Variants in DPYD observed in about 807,000 individuals in gnomAD.
DPYD encodes dihydropyrimidine dehydrogenase.
DPYD carries 109 observed loss-of-function variants against 116.2 expected under a neutral mutation model. The ratio of observed to expected loss-of-function variants is 0.94; its 90% CI spans 0.80 to 1.10. The LOEUF is 1.10. DPYD is among the 50% of genes least tolerant of loss of function. The pLI, the probability that DPYD is intolerant of heterozygous loss-of-function variation, is 0.00. For missense variants in DPYD, 1,302 were observed against 1,254.5 expected (o/e 1.04, Z -0.57); for synonymous variants, 440 against 432.0 (o/e 1.02, Z -0.23).
intron 1 of DPYD, among the ~76,000 whole-genome samples, chr1:97,885,647 T>G (rs1672450226): frequency 6.6e-6 from 1 of 152,050 alleles, no homozygotes; most frequent in Admixed American, 6.6e-5. Context: ...GTAACTTAAC[T>G]TACAAACAGC....
chr1:97,236,613 T>C (rs780425769), intron 18 of DPYD, among the ~76,000 whole-genome samples: 9 of 152,100 alleles, frequency 5.9e-5, no homozygotes, highest in Non-Finnish European at 1.3e-4. Context: ...GAAAATACTA[T>C]ATATACTATA....
In DPYD at chr1:97,111,236, A is replaced by G. The variant is rs1168806046; in HGVS notation, c.2623-12604T>C. ...TGGTATAACGTATCCTCCTTATAGT[A>G]GCCTGAGAAGTTGTCTTAAATAGAA... is the stretch of plus-strand genomic sequence containing the variant. On this transcript the variant is annotated intron_variant, in intron 20 of 22. Transcript: ENST00000370192. 4.6e-5 allele frequency among the ~76,000 whole-genome samples: 7 copies of G among 152,194 alleles called. No individual in the cohort carries two copies. In the East Asian group the frequency reaches 1.4e-3, roughly 30 times the overall value.
intron 14 of DPYD, among the ~76,000 whole-genome samples, chr1:97,396,688 C>G (rs1673023352): frequency 6.6e-6 from 1 of 152,020 alleles, no homozygotes. Context: ...TGCTCCTTAT[C>G]TTGACATATC....
At chr1:97,866,949 G>T (rs1258108813) in intron 2 of DPYD, among the ~76,000 whole-genome samples, 2 of 151,854 alleles carry the variant, frequency 1.3e-5, no homozygotes, top group African/African-American at 4.8e-5. Flanking sequence ...GAGGATAGGG[G>T]CTTGTAGGCT....
chr1:97,137,355 A>C (rs1269531701), intron 20 of DPYD, among the ~76,000 whole-genome samples: 1 of 152,198 alleles, frequency 6.6e-6, no homozygotes, highest in African/African-American at 2.4e-5. Context: ...TTAAATTTTA[A>C]ATCCCTGTAC....
At chr1:97,644,091 G>GA (rs1658102936) in intron 8 of DPYD, among the ~76,000 whole-genome samples, 1 of 151,648 alleles carries the variant, frequency 6.6e-6, no homozygotes, top group Non-Finnish European at 1.5e-5. Flanking sequence ...ATAAAAAAAA[G>GA]AAAATTGTAT....
At chr1:97,489,071 C>A (rs913744579) in intron 13 of DPYD, among the ~76,000 whole-genome samples, 31 of 152,180 alleles carry the variant, frequency 2.0e-4, no homozygotes, top group Non-Finnish European at 4.4e-5. Flanking sequence ...GGGGGCTTGC[C>A]TGACCTGCAT....
At chr1:97,223,458 G>T (rs1382129326) in intron 19 of DPYD, among the ~76,000 whole-genome samples, 1 of 151,384 alleles carries the variant, frequency 6.6e-6, no homozygotes, top group Non-Finnish European at 1.5e-5. Flanking sequence ...GAAGGCACAG[G>T]TCATAATTGT....
At chr1:97,249,037 A>G (rs959589889) in intron 18 of DPYD, among the ~76,000 whole-genome samples, 1 of 151,712 alleles carries the variant, frequency 6.6e-6, no homozygotes, top group African/African-American at 2.4e-5. Context: ...ATTGATCTGT[A>G]GATTCAACAC....
At chr1:97,863,971 A>G (rs964847786) in intron 2 of DPYD, among the ~76,000 whole-genome samples, 1 of 151,958 alleles carries the variant, frequency 6.6e-6, no homozygotes, top group Non-Finnish European at 1.5e-5. Flanking sequence ...TAGAGTCAAT[A>G]AATATTTTTA....
intron 7 of DPYD, among the ~76,000 whole-genome samples, chr1:97,683,958 T>C (rs1413745114): frequency 6.6e-6 from 1 of 152,160 alleles, no homozygotes; most frequent in Non-Finnish European, 1.5e-5. Flanking sequence ...CTAATAACTT[T>C]AAATGTTTTC....
At chr1:97,767,070 T>G (rs1259471155) in intron 3 of DPYD, among the ~76,000 whole-genome samples, 1 of 152,218 alleles carries the variant, frequency 6.6e-6, no homozygotes, top group Non-Finnish European at 1.5e-5. Flanking sequence ...TCTAGCATGA[T>G]TTCAGAATTA....
At chr1:97,827,162 T>C (rs914396859) in intron 3 of DPYD, among the ~76,000 whole-genome samples, 6 of 152,090 alleles carry the variant, frequency 3.9e-5, no homozygotes, top group Admixed American at 1.3e-4. Flanking sequence ...AATAACAAAA[T>C]TGTATCTAAA....
At chr1:97,738,586 A>G (rs1025284984) in intron 4 of DPYD, among the ~76,000 whole-genome samples, 15 of 152,218 alleles carry the variant, frequency 9.9e-5, no homozygotes, top group Admixed American at 9.8e-4. Context: ...GACAGCCTAC[A>G]TTGTACACAG....
At chr1:97,672,392 G>T (rs1351408227) in intron 8 of DPYD, among the ~76,000 whole-genome samples, 1 of 152,048 alleles carries the variant, frequency 6.6e-6, no homozygotes, top group Non-Finnish European at 1.5e-5. Context: ...ATTAAGTAAT[G>T]ATTTAATGAA....
Position 97,838,861 on chromosome 1 carries a change from A to T in DPYD, c.151-10665T>A, listed in dbSNP as rs1571445965. ...AGCGAGACTCCGTCTCAAAAAAAAA[A>T]ATAAATAAAAAAATAAAAGAACTTG... On this transcript the variant is annotated intron_variant, in intron 2 of 22. Transcript: ENST00000370192. Among the ~76,000 whole-genome samples the T allele has an allele frequency of 2.0e-5, 3 of 151,024 alleles. No homozygotes were observed. The South Asian group carries it at 6.3e-4, about 32-fold the overall frequency.
Position 97,375,792 on chromosome 1 carries a change from C to T in DPYD, c.1975-2148G>A, listed in dbSNP as rs191564990. Among the ~76,000 whole-genome samples the T allele has an allele frequency of 6.0e-3, 908 of 152,302 alleles. 14 individuals carry two copies. Among genetic ancestry groups the T allele is most frequent in the Non-Finnish European group, 8.4e-3 (569 of 68,034 alleles). On this transcript the variant is annotated intron_variant, in intron 15 of 22. Transcript: ENST00000370192. The stretch of plus-strand genomic sequence containing the variant: ...GAAAAGATTGTATAGTGCAAGTATA[C>T]ACTTATAACATGTTTCTTATTATTT...
chr1:97,527,862 T>C (rs1406648676), intron 12 of DPYD, among the ~76,000 whole-genome samples: 3 of 151,460 alleles, frequency 2.0e-5, no homozygotes, highest in African/African-American at 7.3e-5. Context: ...GTGTTTGTTA[T>C]ATTTGATTGA....
chr1:97,265,258 C>T (rs1664156808), intron 18 of DPYD, among the ~76,000 whole-genome samples: 2 of 152,094 alleles, frequency 1.3e-5, no homozygotes, highest in South Asian at 4.1e-4. Flanking sequence ...AAGTCTTAGC[C>T]CAAATGTCAT....
Sources: gnomAD v4.1 joint callset for allele counts (sites outside exome capture counted in the v4.1 genomes callset) on GRCh38, gnomAD v4.1.1 for gene constraint, MANE v1.5 for transcripts, NCBI Gene and HGNC (gene_info 2026-07-23, HGNC 2026-07-21) for gene names.